The following PLXDC2 variants were observed in gnomAD, a reference collection of about 807,000 sequenced individuals.
The protein encoded by PLXDC2 is plexin domain containing 2.
Under a neutral mutation model 68.9 loss-of-function variants are expected in PLXDC2, and 40 were observed. That is an observed-to-expected ratio of 0.58 (90% CI 0.45 to 0.76). PLXDC2 has a LOEUF of 0.76. PLXDC2 is among the 30% of genes least tolerant of loss of function. PLXDC2 has a pLI of 0.00. For synonymous variants in PLXDC2, 243 were observed against 234.2 expected (o/e 1.04, Z -0.34); for missense variants, 644 against 661.9 (o/e 0.97, Z 0.30).
chr10:20,060,768 A>T (rs894679404), intron 3 of PLXDC2, among the ~76,000 whole-genome samples: 1 of 152,180 alleles, frequency 6.6e-6, no homozygotes, highest in Admixed American at 6.5e-5. Context: ...TTATGTTGTT[A>T]TGTCTACTAA....
chr10:19,851,471 CTT>C (rs886981101), intron 1 of PLXDC2, among the ~76,000 whole-genome samples: 63 of 152,326 alleles, frequency 4.1e-4, no homozygotes, highest in African/African-American at 1.3e-3. Context: ...GAGAAGCTGT[CTT>C]TGACGGGGCA....
At chr10:20,051,649 G>T (rs1212289664) in intron 3 of PLXDC2, among the ~76,000 whole-genome samples, 1 of 151,744 alleles carries the variant, frequency 6.6e-6, no homozygotes. Context: ...TCAGCGTAGA[G>T]CTTTGCTAGC....
At chr10:20,135,862 A>G (rs1371882457) in intron 4 of PLXDC2, among the ~76,000 whole-genome samples, 1 of 152,202 alleles carries the variant, frequency 6.6e-6, no homozygotes, top group African/African-American at 2.4e-5. Context: ...TTAATTTTGT[A>G]TACAAAATCT....
chr10:19,835,589 C>T (rs1021535793), intron 1 of PLXDC2, among the ~76,000 whole-genome samples: 1 of 152,044 alleles, frequency 6.6e-6, no homozygotes, highest in Non-Finnish European at 1.5e-5. Flanking sequence ...TGATGGGAAC[C>T]AGCCAGTGAG....
chr10:19,844,162 C>G (rs1836957672), intron 1 of PLXDC2, among the ~76,000 whole-genome samples: 1 of 152,196 alleles, frequency 6.6e-6, no homozygotes. Context: ...TCAATTACCT[C>G]AATTTCTCTC....
At chr10:19,882,589 C>G (rs1028543384) in intron 1 of PLXDC2, among the ~76,000 whole-genome samples, 2 of 152,126 alleles carry the variant, frequency 1.3e-5, no homozygotes, top group Non-Finnish European at 2.9e-5. Context: ...TGTCACGAAG[C>G]TATGTGGTAG....
chr10:19,918,458 T>C (rs969795474), intron 1 of PLXDC2, among the ~76,000 whole-genome samples: 4 of 152,166 alleles, frequency 2.6e-5, no homozygotes, highest in African/African-American at 9.7e-5. Context: ...TTGGAAACAT[T>C]GAAAAGCACA....
rs1693535481 is a variant in PLXDC2 at position 20,051,542 on chromosome 10, C to T, written c.471+4527C>T. The stretch of plus-strand genomic sequence containing the variant: ...AGGTATAAACCCTATTTTTAATACT[C>T]TTTCTCTTAATTTTGAATATGTTTG... On this transcript the variant is annotated intron_variant, in intron 3 of 13. Transcript: ENST00000377252. 3.3e-5 allele frequency among the ~76,000 whole-genome samples: 5 copies of T among 150,872 alleles called. No individual in the cohort carries two copies. In the Admixed American group the frequency reaches 3.3e-4, roughly 10 times the overall value.
intron 9 of PLXDC2, among the ~76,000 whole-genome samples, chr10:20,193,917 G>A (rs1284517540): frequency 6.6e-6 from 1 of 151,842 alleles, no homozygotes. Context: ...GAAAAAGCAA[G>A]GAAATAGGGA....
intron 1 of PLXDC2, among the ~76,000 whole-genome samples, chr10:19,861,478 C>T (rs186182999): frequency 1.4e-3 from 207 of 152,280 alleles, no homozygotes; most frequent in African/African-American, 4.8e-3. Context: ...TAATGTCTCC[C>T]TAGCCACCAT....
intron 4 of PLXDC2, among the ~76,000 whole-genome samples, chr10:20,128,330 T>C (rs1447301053): frequency 6.6e-6 from 1 of 152,216 alleles, no homozygotes; most frequent in African/African-American, 2.4e-5. Context: ...AGTAAGACTT[T>C]TTATTTTCTT....
chr10:20,057,255 T>A (rs1365398152), intron 3 of PLXDC2, among the ~76,000 whole-genome samples: 1 of 152,108 alleles, frequency 6.6e-6, no homozygotes. Flanking sequence ...TAATTTTTTT[T>A]AGAGTAAACA....
At chr10:20,216,534 C>G (rs935186696) in intron 10 of PLXDC2, among the ~76,000 whole-genome samples, 1 of 152,050 alleles carries the variant, frequency 6.6e-6, no homozygotes, top group Admixed American at 6.6e-5. Flanking sequence ...AGGGGAAAGG[C>G]ACCTAGCGCT....
At chr10:20,161,369 A>G (rs1834289082) in intron 6 of PLXDC2, among the ~76,000 whole-genome samples, 1 of 152,114 alleles carries the variant, frequency 6.6e-6, no homozygotes, top group Non-Finnish European at 1.5e-5. Context: ...ATACATCTGC[A>G]GAAGACCAGT....
intron 1 of PLXDC2, among the ~76,000 whole-genome samples, chr10:19,837,105 G>GTT (rs139161456): frequency 0.028 from 4,165 of 148,946 alleles, 143 homozygotes; most frequent in African/African-American, 0.086. Flanking sequence ...TGAATTGAAG[G>GTT]TTTTTTTTTT....
intron 1 of PLXDC2, among the ~76,000 whole-genome samples, chr10:19,960,322 C>G (rs1834136356): frequency 6.6e-6 from 1 of 151,988 alleles, no homozygotes; most frequent in Non-Finnish European, 1.5e-5. Context: ...TGTGATCTCA[C>G]CACTGCACTC....
intron 1 of PLXDC2, among the ~76,000 whole-genome samples, chr10:19,900,501 T>C (rs1838140187): frequency 6.6e-6 from 1 of 152,176 alleles, no homozygotes; most frequent in South Asian, 2.1e-4. Flanking sequence ...CTGTGCAGTA[T>C]TTCTTCAGGA....
chr10:20,160,806 A>G (rs528223871), intron 6 of PLXDC2, among the ~76,000 whole-genome samples: 15 of 152,328 alleles, frequency 9.8e-5, no homozygotes, highest in African/African-American at 3.6e-4. Context: ...CAATCTTTCA[A>G]GTTTAATTAT....
rs951400025 is a variant in PLXDC2 at position 20,284,828 on chromosome 10, T to C, written c.*5009T>C. ...GTAACTTTATTTGCTATATTGACAA[T>C]CTGCTCTGTTCTGTAATATAGAACA... On this transcript the variant is annotated 3_prime_UTR_variant, in exon 14 of 14. Coordinates refer to ENST00000377252, the MANE Select transcript of PLXDC2 (RefSeq NM_032812.9). 5.3e-5 allele frequency: 8 copies of C among 152,170 alleles called. No individual in the cohort carries two copies. Among genetic ancestry groups the C allele is most frequent in the South Asian group, 2.1e-4 (1 of 4,822 alleles). The allele number at this position is 152,170 out of a possible 1,614,324, so 9.4% of individuals were successfully genotyped here.
Sources: allele counts gnomAD v4.1 joint callset (sites outside exome capture counted in the v4.1 genomes callset), GRCh38; gene constraint gnomAD v4.1.1; transcripts MANE v1.5; gene names NCBI Gene and HGNC (gene_info 2026-07-23, HGNC 2026-07-21).